The following KCNMA1 variants were observed in gnomAD, a reference collection of about 807,000 sequenced individuals.
KCNMA1 encodes Calcium-activated potassium channel subunit alpha-1.
In KCNMA1, 29 loss-of-function variants were observed where a neutral mutation model predicts 140.0. The ratio of observed to expected loss-of-function variants is 0.21; its 90% CI spans 0.15 to 0.28. KCNMA1 has a LOEUF of 0.28. Ranked by LOEUF, KCNMA1 falls within the 10% of genes least tolerant of loss-of-function variation. The pLI is 1.00. For missense variants in KCNMA1, 880 were observed against 1,602.2 expected (o/e 0.55, Z 7.70); for synonymous variants, 612 against 611.9 (o/e 1.00, Z 0.00).
chr10:77,466,456 C>T (rs1200474379), intron 1 of KCNMA1, among the ~76,000 whole-genome samples: 3 of 152,330 alleles, frequency 2.0e-5, no homozygotes, highest in African/African-American at 2.4e-5. Context: ...GAACCTACTG[C>T]ATGAGCTCTG....
chr10:77,342,350 G>A (rs1013288234), intron 2 of KCNMA1, among the ~76,000 whole-genome samples: 2 of 152,216 alleles, frequency 1.3e-5, no homozygotes, highest in African/African-American at 2.4e-5. Context: ...CGCCTACCCT[G>A]TGAGATAACT....
At chr10:77,195,333 G>T (rs2040099131) in intron 3 of KCNMA1, among the ~76,000 whole-genome samples, 1 of 152,218 alleles carries the variant, frequency 6.6e-6, no homozygotes, top group African/African-American at 2.4e-5. Context: ...TACAAGGCTA[G>T]AGTCACTCCT....
At chr10:76,969,916 G>T (rs1021128465) in intron 20 of KCNMA1, 58 bp downstream of exon 20, 1 of 1,366,766 alleles carries the variant, frequency 7.3e-7, no homozygotes, top group Non-Finnish European at 1.0e-6. Flanking sequence ...AGGAGAGGGC[G>T]AGGGGAGGAA....
intron 20 of KCNMA1, among the ~76,000 whole-genome samples, chr10:76,959,115 C>T (rs2069762527): frequency 6.6e-6 from 1 of 152,216 alleles, no homozygotes; most frequent in South Asian, 2.1e-4. Flanking sequence ...CCACCACCAA[C>T]ATACAGGCAT....
intron 5 of KCNMA1, among the ~76,000 whole-genome samples, chr10:77,160,983 T>G (rs2098547992): frequency 6.6e-6 from 1 of 152,204 alleles, no homozygotes; most frequent in South Asian, 2.1e-4. Context: ...GCTCTTGACT[T>G]ACGAGCCTAT....
intron 1 of KCNMA1, among the ~76,000 whole-genome samples, chr10:77,455,706 C>T (rs981856458): frequency 6.6e-6 from 1 of 152,190 alleles, no homozygotes; most frequent in South Asian, 2.1e-4. Context: ...TTCCATCAAA[C>T]CTGACTCACA....
intron 9 of KCNMA1, among the ~76,000 whole-genome samples, chr10:77,104,224 C>G (rs949381048): frequency 7.2e-5 from 11 of 152,152 alleles, no homozygotes; most frequent in Non-Finnish European, 1.0e-4. Flanking sequence ...AGTCCTGGGG[C>G]TTTAGGCTGC....
At chr10:77,024,862 T>C (rs2093249933) in intron 16 of KCNMA1, among the ~76,000 whole-genome samples, 1 of 151,936 alleles carries the variant, frequency 6.6e-6, no homozygotes, top group African/African-American at 2.4e-5. Context: ...AATAGAAGTG[T>C]AAGGGCTTGG....
In KCNMA1 at chr10:77,178,033, T is replaced by C. The variant is rs148614775; in HGVS notation, c.808+5388A>G. On this transcript the variant is annotated intron_variant, in intron 5 of 27. Transcript: ENST00000286628. ...TTTTGGGCATATATTTATAAGCAGA[T>C]ACCCTACATCATTGCAACTGCCCTG... Among the ~76,000 whole-genome samples, 387 of 152,362 alleles carry C rather than the reference T, an allele frequency of 2.5e-3. 1 individual carries two copies. The highest frequency in any genetic ancestry group is 6.8e-3 in the Middle Eastern group (2 of 294).
intron 8 of KCNMA1, among the ~76,000 whole-genome samples, chr10:77,109,045 T>TAAAAATTAA (rs1267608386): frequency 7.0e-5 from 10 of 143,204 alleles, no homozygotes; most frequent in African/African-American, 2.5e-4. Flanking sequence ...GATTAAAAAC[T>TAAAAATTAA]ACATTTTTCT....
At chr10:77,346,065 T>C (rs185456082) in intron 2 of KCNMA1, among the ~76,000 whole-genome samples, 109 of 152,330 alleles carry the variant, frequency 7.2e-4, no homozygotes, top group Admixed American at 1.6e-3. Flanking sequence ...AGGAATATCA[T>C]GGTAAACGTT....
intron 3 of KCNMA1, among the ~76,000 whole-genome samples, chr10:77,199,050 G>C (rs919122698): frequency 1.3e-5 from 2 of 152,162 alleles, no homozygotes; most frequent in Non-Finnish European, 2.9e-5. Flanking sequence ...GAACATGGGA[G>C]TGAATGCAGG....
At chr10:77,185,373 C>T (rs2154129018) in intron 3 of KCNMA1, among the ~76,000 whole-genome samples, 1 of 152,188 alleles carries the variant, frequency 6.6e-6, no homozygotes, top group Non-Finnish European at 1.5e-5. Context: ...TTCAATTAAA[C>T]ACAGTGGTTG....
At chr10:77,171,187 T>A (rs1228811645) in intron 5 of KCNMA1, among the ~76,000 whole-genome samples, 4 of 152,046 alleles carry the variant, frequency 2.6e-5, no homozygotes, top group Non-Finnish European at 5.9e-5. Context: ...TCAGGCCCCA[T>A]CCCAGGTGTA....
intron 2 of KCNMA1, among the ~76,000 whole-genome samples, chr10:77,391,705 C>T (rs1183428702): frequency 6.6e-6 from 1 of 151,866 alleles, no homozygotes; most frequent in Admixed American, 6.6e-5. Context: ...TTTTAGTGCA[C>T]CAAATTGGGC....
At chr10:77,213,424 C>T (rs1186268908) in intron 3 of KCNMA1, among the ~76,000 whole-genome samples, 2 of 152,124 alleles carry the variant, frequency 1.3e-5, no homozygotes, top group Non-Finnish European at 2.9e-5. Context: ...ACCAAATCAC[C>T]AATACAATCA....
intron 1 of KCNMA1, among the ~76,000 whole-genome samples, chr10:77,465,823 A>G (rs1404161077): frequency 1.3e-5 from 2 of 152,146 alleles, no homozygotes; most frequent in African/African-American, 4.8e-5. Context: ...AGGCTGCTCC[A>G]TTGCACAGCT....
At chr10:77,110,093 A>G (rs2097287092) in intron 8 of KCNMA1, 80 bp downstream of exon 8, 1 of 1,284,860 alleles carries the variant, frequency 7.8e-7, no homozygotes, top group Non-Finnish European at 1.1e-6. Context: ...ACAGTCTAAA[A>G]TACAAAGCTT....
chr10:77,364,945 A>T (rs371734751), intron 2 of KCNMA1, among the ~76,000 whole-genome samples: 1 of 152,258 alleles, frequency 6.6e-6, no homozygotes, highest in East Asian at 1.9e-4. Context: ...GAACCTGCTT[A>T]CAAAGCTAGT....
Sources: gnomAD v4.1 joint callset for allele counts (sites outside exome capture counted in the v4.1 genomes callset) on GRCh38, gnomAD v4.1.1 for gene constraint, MANE v1.5 for transcripts, NCBI Gene and HGNC (gene_info 2026-07-23, HGNC 2026-07-21) for gene names.